EFL1: variants seen among roughly 807,000 people sequenced by gnomAD.
The protein encoded by EFL1 is elongation factor-like GTPase 1.
Under a neutral mutation model 126.7 loss-of-function variants are expected in EFL1, and 76 were observed. The observed-to-expected ratio is 0.60, with a 90% CI of 0.50 to 0.73. The LOEUF (loss-of-function observed/expected upper bound fraction) is 0.73, where lower values mean the gene tolerates loss of function less well. Among genes scored for constraint, EFL1 ranks in the 30% least tolerant of loss-of-function variants. EFL1 has a pLI of 0.00. For missense variants in EFL1, 1,128 were observed against 1,343.2 expected, an observed-to-expected ratio of 0.84 and a Z score of 2.50; for synonymous variants, 410 against 448.4, an observed-to-expected ratio of 0.91 and a Z score of 1.08.
intron 15 of EFL1, among the ~76,000 whole-genome samples, chr15:82,179,676 A>T (rs989969585): frequency 3.9e-5 from 6 of 152,014 alleles, no homozygotes; most frequent in African/African-American, 1.4e-4. Context: ...TCTCCTTCAC[A>T]GTGGCCCTCC....
chr15:82,181,100 T>C (rs112498764), intron 15 of EFL1, among the ~76,000 whole-genome samples: 17 of 152,142 alleles, frequency 1.1e-4, no homozygotes, highest in Admixed American at 3.9e-4. Flanking sequence ...ATAAAAAATA[T>C]AGAATGGATA....
intron 19 of EFL1, among the ~76,000 whole-genome samples, chr15:82,135,965 T>G (rs767358892): frequency 1.1e-4 from 17 of 152,198 alleles, no homozygotes; most frequent in Non-Finnish European, 1.6e-4. Flanking sequence ...AGCCCTAGTC[T>G]GCCTCCTTAG....
At chr15:82,232,968 A>G (rs2074837461) in intron 7 of EFL1, among the ~76,000 whole-genome samples, 1 of 152,040 alleles carries the variant, frequency 6.6e-6, no homozygotes, top group Non-Finnish European at 1.5e-5. Context: ...ATCTTTTATA[A>G]TATGTCAGAT....
At chr15:82,220,791 G>A (rs539049601) in intron 12 of EFL1, among the ~76,000 whole-genome samples, 1 of 150,832 alleles carries the variant, frequency 6.6e-6, no homozygotes, top group African/African-American at 2.4e-5. Context: ...AGGGGTGGGG[G>A]AGGTAATTAA....
At chr15:82,153,823 AT>A (rs1182758107) in intron 17 of EFL1, among the ~76,000 whole-genome samples, 1 of 152,228 alleles carries the variant, frequency 6.6e-6, no homozygotes, top group Non-Finnish European at 1.5e-5. Flanking sequence ...AATATGCTAA[AT>A]TGGCATTCAA....
At chr15:82,239,712 G>A (rs1257777115) in intron 6 of EFL1, among the ~76,000 whole-genome samples, 8 of 152,144 alleles carry the variant, frequency 5.3e-5, no homozygotes, top group Non-Finnish European at 8.8e-5. Context: ...ATGAAACACT[G>A]TACTGTGCTT....
chr15:82,255,688 A>G (rs144131330), intron 3 of EFL1, among the ~76,000 whole-genome samples: 519 of 151,620 alleles, frequency 3.4e-3, no homozygotes, highest in African/African-American at 0.011. Context: ...TAGAGGTCCA[A>G]TTTTTTTTTC....
Position 82,229,126 on chromosome 15 carries a change from T to C in EFL1, c.856-16A>G, listed in dbSNP as rs759088312. 2 of 1,597,324 alleles carry C rather than the reference T, an allele frequency of 1.3e-6. No homozygotes were observed. Among genetic ancestry groups the C allele is most frequent in the East Asian group, 2.2e-5 (1 of 44,578 alleles). Reference sequence around the variant, plus strand: ...TTCCTTTGGCCTGTACAAAAGAACATACGGGCTTAAGTTCCTGAACATTTA... The same window carrying C: ...TTCCTTTGGCCTGTACAAAAGAACACACGGGCTTAAGTTCCTGAACATTTA... On this transcript the variant is annotated splice_polypyrimidine_tract_variant and intron_variant, in intron 8 of 19. Transcript: ENST00000268206.
intron 15 of EFL1, among the ~76,000 whole-genome samples, chr15:82,207,471 G>A (rs979465727): frequency 1.3e-5 from 2 of 151,902 alleles, no homozygotes; most frequent in African/African-American, 2.4e-5. Context: ...AGAAGGGATT[G>A]TCTCCAAGAG....
intron 18 of EFL1, among the ~76,000 whole-genome samples, chr15:82,142,969 T>G (rs551379874): frequency 7.2e-4 from 109 of 152,350 alleles, no homozygotes; most frequent in Non-Finnish European, 1.5e-3. Flanking sequence ...TCTGTTCTTT[T>G]ATGGCCCTAT....
Position 82,262,597 on chromosome 15 carries a change from C to A in EFL1, c.-20+17G>T, listed in dbSNP as rs2075138762. On this transcript the variant is annotated intron_variant, in intron 1 of 19. Coordinates refer to ENST00000268206, the MANE Select transcript of EFL1 (RefSeq NM_024580.6). ...TGGCCTAGGAGGTTCCAGCCCCCAGCGCCAGCCCACACTCACCGGCTGCAG... is the reference window on the plus strand; with the variant it reads ...TGGCCTAGGAGGTTCCAGCCCCCAGAGCCAGCCCACACTCACCGGCTGCAG... The A allele has an allele frequency of 2.7e-6, 1 of 366,758 alleles. No individual in the cohort carries two copies. The highest frequency in any genetic ancestry group is 4.9e-5 in the Admixed American group (1 of 20,444). 22.7% of individuals were successfully genotyped at this position (366,758 alleles called of 1,614,324 possible). A position where few individuals can be genotyped will look rare whatever the true frequency, so the allele number is the denominator to read the frequency against.
Position 82,130,515 on chromosome 15 carries a change from T to C in EFL1, c.3221A>G (p.Tyr1074Cys). 6.2e-7 allele frequency: 1 copy of C among 1,614,162 alleles called. No homozygotes were observed. ...GTCAGCCTTCTCCCCAAAGTGCAAG[T>C]ATTCCTCCTCAGTAGTTGGCACCCA... ...PFWVPTTEEEYLHFGEKADSE... is the reference protein window; with the variant it reads ...PFWVPTTEEECLHFGEKADSE... Residue 1074 changes from tyrosine (Y) to cysteine (C), a missense_variant, in exon 20 of 20, where the codon TAC (tyrosine) becomes TGC (cysteine). Physicochemically the swap from Tyr to Cys is radical, Grantham distance 194 (BLOSUM62 -2). This residue lies in a region of EFL1 where 561 missense variants were observed against 641.7 expected (regional missense o/e 0.87). Transcript: ENST00000268206.
intron 7 of EFL1, among the ~76,000 whole-genome samples, chr15:82,233,147 G>A (rs1463159772): frequency 6.6e-6 from 1 of 152,002 alleles, no homozygotes; most frequent in Non-Finnish European, 1.5e-5. Flanking sequence ...ACACATACGG[G>A]TACACAAATC....
chr15:82,220,476 A>T (rs1356009586), intron 12 of EFL1, among the ~76,000 whole-genome samples: 3 of 152,212 alleles, frequency 2.0e-5, no homozygotes, highest in African/African-American at 7.2e-5. Context: ...GGAGCAATGT[A>T]CAATAGTATG....
At chr15:82,171,811 G>C (rs1032546551) in intron 15 of EFL1, among the ~76,000 whole-genome samples, 2 of 151,916 alleles carry the variant, frequency 1.3e-5, no homozygotes, top group Non-Finnish European at 1.5e-5. Flanking sequence ...TCAGCATCAT[G>C]CAATACTCTC....
In EFL1 at chr15:82,188,081, G is replaced by A. The variant is rs143844307; in HGVS notation, c.1751-24097C>T. 2.4e-3 allele frequency among the ~76,000 whole-genome samples: 369 copies of A among 152,180 alleles called. 3 individuals carry two copies. The highest frequency in any genetic ancestry group is 8.6e-3 in the African/African-American group (356 of 41,546). On this transcript the variant is annotated intron_variant, in intron 15 of 19. Transcript: ENST00000268206. Reference sequence around the variant, plus strand: ...AATATAACTCTTTGTCCTGTTGAATGCTTTTCCTCTTGAAATTTCCTCTAC... The same window carrying A: ...AATATAACTCTTTGTCCTGTTGAATACTTTTCCTCTTGAAATTTCCTCTAC...
At chr15:82,164,401 T>C (rs146634442) in intron 15 of EFL1, among the ~76,000 whole-genome samples, 2 of 152,178 alleles carry the variant, frequency 1.3e-5, no homozygotes, top group East Asian at 3.8e-4. Flanking sequence ...GTAAAGGGAA[T>C]TTAGAAACTT....
chr15:82,164,025 A>G (rs762356950), intron 15 of EFL1, 41 bp from the exon 16 acceptor site: 2 of 1,603,702 alleles, frequency 1.2e-6, no homozygotes, highest in South Asian at 1.1e-5. Flanking sequence ...AAGGGATGAT[A>G]AATTCTGAAT....
chr15:82,241,172 C>T, intron 5 of EFL1, 98 bp downstream of exon 5: 1 of 1,415,934 alleles, frequency 7.1e-7, no homozygotes, highest in East Asian at 2.3e-5. Flanking sequence ...AAATATAAAA[C>T]CAATGTTGTG....
Sources: gnomAD v4.1 joint callset for allele counts (sites outside exome capture counted in the v4.1 genomes callset) on GRCh38, gnomAD v4.1.1 for gene constraint, gnomAD v4.1.1 regional missense constraint, MANE v1.5 for transcripts, NCBI Gene and HGNC (gene_info 2026-07-23, HGNC 2026-07-21) for gene names.